The following NUP210L variants were observed in gnomAD, a reference collection of about 807,000 sequenced individuals.
NUP210L encodes the protein nuclear pore membrane glycoprotein 210-like.
NUP210L carries 74 observed loss-of-function variants against 208.5 expected under a neutral mutation model. The ratio of observed to expected loss-of-function variants is 0.35; its 90% CI spans 0.29 to 0.43. NUP210L has a LOEUF of 0.43. NUP210L is among the 20% of genes least tolerant of loss of function. The pLI is 1.00. For synonymous variants in NUP210L, 780 were observed against 816.9 expected (o/e 0.95, Z 0.77); for missense variants, 1,843 against 2,289.4 (o/e 0.81, Z 3.98).
chr1:154,136,321 G>A (rs147572173), intron 6 of NUP210L, among the ~76,000 whole-genome samples: 134 of 152,108 alleles, frequency 8.8e-4, no homozygotes, highest in African/African-American at 2.9e-3. Flanking sequence ...GCGTGATGGC[G>A]TGTGCCTGTA....
At chr1:154,027,099 A>C (rs1335739595) in intron 29 of NUP210L, among the ~76,000 whole-genome samples, 68 of 109,528 alleles carry the variant, frequency 6.2e-4, no homozygotes, top group African/African-American at 1.9e-3. Flanking sequence ...AAAAAAAACA[A>C]AAAAAAAAAA....
chr1:154,106,657 A>C (rs1408069199), intron 12 of NUP210L, among the ~76,000 whole-genome samples: 1 of 152,222 alleles, frequency 6.6e-6, no homozygotes, highest in Non-Finnish European at 1.5e-5. Flanking sequence ...ACAGCTTAGC[A>C]GGGAGAGAGA....
intron 16 of NUP210L, among the ~76,000 whole-genome samples, chr1:154,071,975 CGTGTGTGTGTGT>C (rs57566189): frequency 1.3e-5 from 2 of 148,364 alleles, no homozygotes; most frequent in African/African-American, 5.0e-5. Flanking sequence ...TATTCCATCG[CGTGTGTGTGTGT>C]GTGTGTGTGT....
chr1:154,078,158 C>T lies in NUP210L; in HGVS notation c.2362-7693G>A, dbSNP rs935209855. Among the ~76,000 whole-genome samples the T allele has an allele frequency of 1.0e-4, 15 of 146,928 alleles. 1 individual carries two copies. The highest frequency in any genetic ancestry group is 5.5e-4 in the Admixed American group (8 of 14,618). Reference sequence around the variant, plus strand: ...CATCTTTACAAAAAAAAAAAAATTACAAAAATTAGCTAGGCACAGTGGCGT... The same window carrying T: ...CATCTTTACAAAAAAAAAAAAATTATAAAAATTAGCTAGGCACAGTGGCGT... On this transcript the variant is annotated intron_variant, in intron 16 of 39. Transcript: ENST00000368559.
chr1:154,052,873 A>C (rs1376950921), intron 25 of NUP210L, among the ~76,000 whole-genome samples: 1 of 152,246 alleles, frequency 6.6e-6, no homozygotes, highest in African/African-American at 2.4e-5. Flanking sequence ...TGCACCTCCC[A>C]GTCTGTGTGC....
In NUP210L at chr1:154,039,634, T is replaced by C. The variant is rs1652754262; in HGVS notation, c.3696+6435A>G. Among the ~76,000 whole-genome samples the C allele has an allele frequency of 1.3e-5, 2 of 152,216 alleles. 1 individual carries two copies. Among genetic ancestry groups the C allele is most frequent in the South Asian group, 4.1e-4 (2 of 4,834 alleles). On this transcript the variant is annotated intron_variant, in intron 27 of 39. Transcript: ENST00000368559. Reference sequence around the variant, plus strand: ...CAGCACTTTAAATATGTCATGCCACTCTCTCTTGGCCTATCAGATTCCCAC... The same window carrying C: ...CAGCACTTTAAATATGTCATGCCACCCTCTCTTGGCCTATCAGATTCCCAC...
At chr1:154,099,867 A>G (rs1656374280) in intron 14 of NUP210L, 131 bp downstream of exon 14, 3 of 915,484 alleles carry the variant, frequency 3.3e-6, no homozygotes, top group Non-Finnish European at 5.0e-6. Context: ...TAAAAACAAA[A>G]AAGTGGCAAG....
chr1:154,066,327 G>GAAT (rs1654412084), intron 17 of NUP210L, among the ~76,000 whole-genome samples: 1 of 152,110 alleles, frequency 6.6e-6, no homozygotes, highest in Non-Finnish European at 1.5e-5. Flanking sequence ...AGAAATCAAT[G>GAAT]AATCGCTGGG....
At chr1:154,134,610 G>A (rs1245806204) in intron 7 of NUP210L, among the ~76,000 whole-genome samples, 2 of 149,922 alleles carry the variant, frequency 1.3e-5, no homozygotes, top group Non-Finnish European at 3.0e-5. Context: ...GGTGACGGGC[G>A]CCTGTAGTCC....
intron 28 of NUP210L, 141 bp from the exon 29 acceptor site, chr1:154,027,738 T>C (rs1456202535): frequency 1.7e-6 from 1 of 574,184 alleles, no homozygotes; most frequent in Non-Finnish European, 3.1e-6. Flanking sequence ...AACTTCTAAT[T>C]AGTCTAAAAT....
At chr1:154,044,222 A>G (rs1431556490) in intron 27 of NUP210L, among the ~76,000 whole-genome samples, 1 of 151,884 alleles carries the variant, frequency 6.6e-6, no homozygotes, top group Non-Finnish European at 1.5e-5. Flanking sequence ...CCTTGCCAAC[A>G]TGGTGAAACC....
intron 15 of NUP210L, among the ~76,000 whole-genome samples, chr1:154,089,992 G>A (rs1189992933): frequency 6.6e-6 from 1 of 151,922 alleles, no homozygotes; most frequent in East Asian, 1.9e-4. Flanking sequence ...CAGGAGGATC[G>A]CTTGAACCCA....
At chr1:154,012,221 G>T in intron 34 of NUP210L, 23 bp downstream of exon 34, 1 of 1,608,708 alleles carries the variant, frequency 6.2e-7, no homozygotes, top group Non-Finnish European at 8.5e-7. Context: ...AACAATCACT[G>T]AAACCATGAA....
At chr1:153,999,841 T>TC (rs1315884278) in intron 37 of NUP210L, among the ~76,000 whole-genome samples, 1 of 151,856 alleles carries the variant, frequency 6.6e-6, no homozygotes, top group African/African-American at 2.4e-5. Context: ...TTTTTTTTTT[T>TC]TTGAGACAGG....
intron 17 of NUP210L, among the ~76,000 whole-genome samples, chr1:154,069,596 G>T (rs1654597785): frequency 6.6e-6 from 1 of 152,196 alleles, no homozygotes; most frequent in African/African-American, 2.4e-5. Context: ...TTACTAAACT[G>T]TTGGTGGGAC....
At chr1:154,089,453 G>T in exon 16 of NUP210L, 1 of 1,614,176 alleles carries the variant, frequency 6.2e-7, no homozygotes, top group Non-Finnish European at 8.5e-7. Flanking sequence ...AGAGGACATG[G>T]CTGGGCACCA....
chr1:154,132,806 GCAAA>G (rs1410223695), intron 7 of NUP210L, among the ~76,000 whole-genome samples: 6 of 152,098 alleles, frequency 3.9e-5, no homozygotes, highest in Non-Finnish European at 8.8e-5. Flanking sequence ...TGACTAAAAA[GCAAA>G]CAACATTGGA....
rs1039998155 is a variant in NUP210L, at chr1:154,108,451, A to G, written c.1621-4241T>C. 8.5e-5 allele frequency among the ~76,000 whole-genome samples: 13 copies of G among 152,174 alleles called. 1 individual carries two copies. Among genetic ancestry groups the G allele is most frequent in the African/African-American group, 3.1e-4 (13 of 41,450 alleles). Reference sequence around the variant, plus strand: ...CCAAAGTGCTGGGATTACAGGCATGAGCCACTGCAACCAGCCTAGAGTTTT... The same window carrying G: ...CCAAAGTGCTGGGATTACAGGCATGGGCCACTGCAACCAGCCTAGAGTTTT... On this transcript the variant is annotated intron_variant, in intron 12 of 39. Coordinates refer to ENST00000368559, the Ensembl canonical transcript of NUP210L.
intron 15 of NUP210L, among the ~76,000 whole-genome samples, chr1:154,091,861 C>G (rs1235158220): frequency 6.6e-6 from 1 of 151,634 alleles, no homozygotes; most frequent in Non-Finnish European, 1.5e-5. Flanking sequence ...TTTATATATA[C>G]ATATGCAGCT....
Sources: allele counts gnomAD v4.1 joint callset (sites outside exome capture counted in the v4.1 genomes callset), GRCh38; gene constraint gnomAD v4.1.1; transcripts MANE v1.5; gene names NCBI Gene and HGNC (gene_info 2026-07-23, HGNC 2026-07-21).